COL6A5: variants seen among roughly 807,000 people sequenced by gnomAD.
The protein encoded by COL6A5 is collagen alpha-5(VI) chain.
COL6A5 carries 48 observed loss-of-function variants against 65.6 expected under a neutral mutation model. The observed-to-expected ratio is 0.73, with a 90% CI of 0.58 to 0.93. The LOEUF (loss-of-function observed/expected upper bound fraction) is 0.93, where lower values mean the gene tolerates loss of function less well. COL6A5 is among the 40% of genes least tolerant of loss of function. The pLI, the probability that COL6A5 is intolerant of heterozygous loss-of-function variation, is 0.00. For missense variants in COL6A5, 914 were observed against 928.3 expected (o/e 0.98, Z 0.20); for synonymous variants, 291 against 322.8 (o/e 0.90, Z 1.05).
rs1053817401 is a variant in COL6A5, at chr3:130,412,344, G to A, written c.4663-1201G>A. On this transcript the variant is annotated intron_variant and NMD_transcript_variant, in intron 20 of 41. Coordinates refer to the COL6A5 transcript ENST00000312481. The stretch of plus-strand genomic sequence containing the variant: ...CCCAAGGTCACAAGAACTACTAAGT[G>A]GCACAGCTGGGATTTGAACTCAGTC... 5.3e-5 allele frequency among the ~76,000 whole-genome samples: 8 copies of A among 152,118 alleles called. No individual in the cohort carries two copies. In the South Asian group the frequency reaches 1.7e-3, roughly 32 times the overall value.
intron 1 of COL6A5, among the ~76,000 whole-genome samples, chr3:130,351,266 G>T (rs1167122300): frequency 6.6e-6 from 1 of 152,192 alleles, no homozygotes; most frequent in African/African-American, 2.4e-5. Flanking sequence ...AGGACTTCTT[G>T]TCTAAAACAC....
intron 4 of COL6A5, among the ~76,000 whole-genome samples, chr3:130,452,187 T>G (rs968929744): frequency 6.6e-6 from 1 of 152,130 alleles, no homozygotes; most frequent in Non-Finnish European, 1.5e-5. Context: ...TCACCACTTG[T>G]CAGGGAGTCG....
chr3:130,430,471 G>C (rs571120163), upstream of COL6A5, among the ~76,000 whole-genome samples: 55 of 152,292 alleles, frequency 3.6e-4, no homozygotes, highest in South Asian at 0.011. Flanking sequence ...ATTGGGGATA[G>C]AGAACAGCCT....
chr3:130,436,818 G>A (rs1709046412), intron 1 of COL6A5, among the ~76,000 whole-genome samples: 1 of 152,046 alleles, frequency 6.6e-6, no homozygotes, highest in Admixed American at 6.6e-5. Context: ...ATTGCCCAAA[G>A]CCCATTCTTT....
rs188546496 is a variant in COL6A5, at chr3:130,455,220, A to G, written c.1333-235A>G. On this transcript the variant is annotated intron_variant, in intron 4 of 7. Coordinates refer to ENST00000512836, the Ensembl canonical transcript of COL6A5. ...ACTTGGTTATTCCAAAGTAGTACTTAATAGGCTCTAGACAGTTGTGAGAAA... is the reference window on the plus strand; with the variant it reads ...ACTTGGTTATTCCAAAGTAGTACTTGATAGGCTCTAGACAGTTGTGAGAAA... Among the ~76,000 whole-genome samples, 4 of 152,202 alleles carry G rather than the reference A, an allele frequency of 2.6e-5. No homozygotes were observed. In the East Asian group the frequency reaches 7.7e-4, roughly 29 times the overall value.
At chr3:130,372,825 CA>C (rs1338242346) in intron 1 of COL6A5, among the ~76,000 whole-genome samples, 1 of 152,134 alleles carries the variant, frequency 6.6e-6, no homozygotes, top group Admixed American at 6.5e-5. Context: ...GAATGAGTAA[CA>C]ATTTCAAAAG....
At chr3:130,406,435 TA>T in intron 17 of COL6A5, 114 bp downstream of exon 17, 1 of 764,762 alleles carries the variant, frequency 1.3e-6, no homozygotes, top group East Asian at 2.7e-5. Flanking sequence ...CTTAACCACA[TA>T]ATGAAGGCCT....
chr3:130,459,139 C>T (rs1709644642), intron 5 of COL6A5, among the ~76,000 whole-genome samples: 1 of 152,082 alleles, frequency 6.6e-6, no homozygotes, highest in Non-Finnish European at 1.5e-5. Flanking sequence ...TCAGCCTAGG[C>T]CCTGCTCCTA....
In COL6A5 at chr3:130,397,571, C is replaced by T; in HGVS notation, c.3569-12C>T. The stretch of plus-strand genomic sequence containing the variant: ...TACTCGTTAATCTTGACTCTGTTCC[C>T]TTGGTTTCTAGATTGCTTTATGGAC... On this transcript the variant is annotated splice_polypyrimidine_tract_variant and intron_variant and NMD_transcript_variant, in intron 8 of 41. Coordinates refer to the COL6A5 transcript ENST00000312481. The T allele has an allele frequency of 6.5e-7, 1 of 1,534,334 alleles. No individual in the cohort carries two copies.
chr3:130,383,725 T>G (rs545107197), intron 4 of COL6A5, among the ~76,000 whole-genome samples: 3 of 152,128 alleles, frequency 2.0e-5, no homozygotes, highest in Admixed American at 2.0e-4. Context: ...AACCCAAAAT[T>G]TTGAAAATAT....
At chr3:130,379,239 A>C (rs981094049) in intron 3 of COL6A5, among the ~76,000 whole-genome samples, 179 bp from the exon 4 acceptor site, 9 of 152,120 alleles carry the variant, frequency 5.9e-5, no homozygotes, top group Non-Finnish European at 1.3e-4. Flanking sequence ...TTTTGAAGTC[A>C]ACGACCTTGT....
At chr3:130,438,303 G>T (rs1018090632) in intron 1 of COL6A5, among the ~76,000 whole-genome samples, 16 of 152,076 alleles carry the variant, frequency 1.1e-4, no homozygotes, top group African/African-American at 3.9e-4. Flanking sequence ...CCAAGATAGA[G>T]GTTTTATCTG....
chr3:130,426,522 C>T (rs1018576956), upstream of COL6A5: 94 of 1,023,052 alleles, frequency 9.2e-5, no homozygotes, highest in Non-Finnish European at 1.3e-4. Context: ...GCCTCTGTAA[C>T]AAGCTTGTCT....
intron 24 of COL6A5, 59 bp from the exon 25 acceptor site, chr3:130,418,810 C>G (rs1051642614): frequency 2.1e-5 from 28 of 1,362,974 alleles, no homozygotes; most frequent in Non-Finnish European, 2.9e-5. Flanking sequence ...CAGAACTTAC[C>G]GTGGTAGGAA....
intron 4 of COL6A5, among the ~76,000 whole-genome samples, chr3:130,444,314 C>A (rs1047749431): frequency 6.6e-6 from 1 of 151,866 alleles, no homozygotes; most frequent in Non-Finnish European, 1.5e-5. Context: ...TACGAGATGA[C>A]AGGATTAAGA....
chr3:130,472,847 A>ATATATATG (rs1553760937), intron 7 of COL6A5, among the ~76,000 whole-genome samples: 1 of 143,338 alleles, frequency 7.0e-6, no homozygotes, highest in Non-Finnish European at 1.5e-5. Flanking sequence ...ATATATATAT[A>ATATATATG]TATATATATA....
chr3:130,410,642 C>T, intron 20 of COL6A5, 118 bp downstream of exon 20: 1 of 825,684 alleles, frequency 1.2e-6, no homozygotes, highest in Non-Finnish European at 2.0e-6. Context: ...TTCAGGGCTT[C>T]TCCATCTTGA....
At chr3:130,394,572 C>T (rs557802084) in intron 7 of COL6A5, among the ~76,000 whole-genome samples, 26 of 152,184 alleles carry the variant, frequency 1.7e-4, no homozygotes, top group Non-Finnish European at 2.9e-4. Flanking sequence ...TTTGAAGGGA[C>T]GTCTACCCTT....
At chr3:130,364,144 G>T (rs1202515681) in intron 1 of COL6A5, among the ~76,000 whole-genome samples, 1 of 152,088 alleles carries the variant, frequency 6.6e-6, no homozygotes. Flanking sequence ...GCACTGTCCT[G>T]GGAAGCCACA....
Sources: allele counts gnomAD v4.1 joint callset (sites outside exome capture counted in the v4.1 genomes callset), GRCh38; gene constraint gnomAD v4.1.1; transcripts MANE v1.5; gene names NCBI Gene and HGNC (gene_info 2026-07-23, HGNC 2026-07-21).